The following FBXL2 variants were observed in gnomAD, a reference collection of about 807,000 sequenced individuals.
The protein encoded by FBXL2 is F-box and leucine rich repeat protein 2.
FBXL2 carries 38 observed loss-of-function variants against 69.2 expected under a neutral mutation model. The ratio of observed to expected loss-of-function variants is 0.55; its 90% confidence interval spans 0.42 to 0.72. The LOEUF (loss-of-function observed/expected upper bound fraction) is 0.72, where lower values mean the gene tolerates loss of function less well. Ranked by LOEUF, FBXL2 falls within the 30% of genes least tolerant of loss-of-function variation. The pLI is 0.00. For synonymous variants in FBXL2, 192 were observed against 201.3 expected (o/e 0.95, Z 0.39); for missense variants, 354 against 520.3 (o/e 0.68, Z 3.11).
rs1376211851 is a variant in FBXL2 at position 33,385,676 on chromosome 3, C to T, written c.*68C>T. 52 of 1,229,252 alleles carry T rather than the reference C, an allele frequency of 4.2e-5. No individual in the cohort carries two copies. Among genetic ancestry groups the T allele is most frequent in the East Asian group, 7.0e-5 (3 of 43,058 alleles). The allele number at this position is 1,229,252 out of a possible 1,614,324, so 76.1% of individuals were successfully genotyped here. A position where few individuals can be genotyped will look rare whatever the true frequency, so the allele number is the denominator to read the frequency against. Reference sequence around the variant, plus strand: ...TCTAGAAGACCTGAGTCTTCCTGACCGACTCCACCATCACCCAATCTGTTG... The same window carrying T: ...TCTAGAAGACCTGAGTCTTCCTGACTGACTCCACCATCACCCAATCTGTTG... On this transcript the variant is annotated 3_prime_UTR_variant, in exon 15 of 15. Transcript: ENST00000484457.
At chr3:33,408,500 A>G (rs540527129), downstream of FBXL2, among the ~76,000 whole-genome samples, 3 of 152,246 alleles carry the variant, frequency 2.0e-5, no homozygotes, top group Non-Finnish European at 2.9e-5. Flanking sequence ...GCTTTGTTTT[A>G]AAGTGTTAGA....
chr3:33,365,723 A>G (rs1442371342), intron 5 of FBXL2, among the ~76,000 whole-genome samples: 1 of 116,134 alleles, frequency 8.6e-6, no homozygotes, highest in African/African-American at 3.2e-5. Flanking sequence ...CTCTTCGACC[A>G]AACAAACAAA....
At chr3:33,380,555 T>TAA (rs57394351) in intron 13 of FBXL2, among the ~76,000 whole-genome samples, 63 of 97,294 alleles carry the variant, frequency 6.5e-4, no homozygotes, top group African/African-American at 1.9e-3. Flanking sequence ...CAAAACTCCA[T>TAA]AAAAAAAAAA....
chr3:33,300,689 C>T (rs1298076830), intron 2 of FBXL2: 1 of 152,030 alleles, frequency 6.6e-6, no homozygotes, highest in Non-Finnish European at 1.5e-5. Flanking sequence ...GTAGCTTTCC[C>T]CCTTTTCCTA....
At chr3:33,334,743 C>G (rs576134419) in intron 2 of FBXL2, among the ~76,000 whole-genome samples, 1 of 151,796 alleles carries the variant, frequency 6.6e-6, no homozygotes, top group African/African-American at 2.4e-5. Flanking sequence ...TAGAAACCAA[C>G]GATAAAGAGA....
At chr3:33,345,014 A>C (rs1378580477) in intron 2 of FBXL2, among the ~76,000 whole-genome samples, 1 of 152,252 alleles carries the variant, frequency 6.6e-6, no homozygotes, top group Non-Finnish European at 1.5e-5. Context: ...TCAGATGTTA[A>C]GATAGAAACA....
intron 2 of FBXL2, among the ~76,000 whole-genome samples, chr3:33,328,202 G>A (rs2038858063): frequency 6.6e-6 from 1 of 151,868 alleles, no homozygotes; most frequent in South Asian, 2.1e-4. Context: ...AAATTGAAGT[G>A]GACACCAAAA....
Position 33,319,576 on chromosome 3 carries a change from TG to T in FBXL2, c.65+21855del, listed in dbSNP as rs2038019056. Among the ~76,000 whole-genome samples the T allele has an allele frequency of 3.9e-5, 6 of 152,314 alleles. No homozygotes were observed. In the South Asian group the frequency reaches 1.2e-3, roughly 32 times the overall value. On this transcript the variant is annotated intron_variant, in intron 2 of 14. Coordinates refer to ENST00000484457, the MANE Select transcript of FBXL2 (RefSeq NM_012157.5). ...CAATCATGAAAACTGTATCATTGCC[TG>T]GGGAAATAGAATGTGTTTGTTGGAA...
intron 2 of FBXL2, chr3:33,303,115 G>C (rs747784802): frequency 6.6e-6 from 3 of 456,572 alleles, no homozygotes; most frequent in Non-Finnish European, 1.3e-5. Context: ...TCTATTTCCT[G>C]CTGTCTGTGG....
At chr3:33,392,272 T>TATTCA (rs1366012576), downstream of FBXL2, 7 of 299,130 alleles carry the variant, frequency 2.3e-5, no homozygotes, top group Non-Finnish European at 4.3e-5. Context: ...GATTCTGTTT[T>TATTCA]ATTCAATAGA....
the FBXL2 span, chr3:33,414,034 ATACAGGTAT>A: frequency 6.6e-6 from 1 of 152,250 alleles, no homozygotes; most frequent in African/African-American, 2.4e-5. Flanking sequence ...CAGTATTAGA[ATACAGGTAT>A]TAGACTTCAG....
At chr3:33,356,582 T>A (rs1168337290) in intron 2 of FBXL2, among the ~76,000 whole-genome samples, 3 of 152,114 alleles carry the variant, frequency 2.0e-5, no homozygotes, top group Admixed American at 6.5e-5. Context: ...TCTCTTGACC[T>A]TGTGGTCCAC....
At chr3:33,392,855 A>G (rs2043823979), downstream of FBXL2, 1 of 422,586 alleles carries the variant, frequency 2.4e-6, no homozygotes, top group Non-Finnish European at 4.2e-6. Context: ...CCACAGGGGC[A>G]CATTCCCTGC....
intron 1 of FBXL2, among the ~76,000 whole-genome samples, chr3:33,280,981 A>G (rs2033934351): frequency 6.6e-6 from 1 of 152,112 alleles, no homozygotes; most frequent in Non-Finnish European, 1.5e-5. Flanking sequence ...AGGTATTGGG[A>G]AGCAGAAGAT....
chr3:33,292,039 G>A (rs182389611), intron 1 of FBXL2, among the ~76,000 whole-genome samples: 2 of 152,174 alleles, frequency 1.3e-5, no homozygotes, highest in Admixed American at 1.3e-4. Context: ...TTTAAAACAA[G>A]GATCATTTCT....
intron 2 of FBXL2, among the ~76,000 whole-genome samples, chr3:33,299,672 G>T (rs1383780045): frequency 2.0e-5 from 3 of 152,052 alleles, no homozygotes; most frequent in Non-Finnish European, 4.4e-5. Context: ...TTAGTCATCA[G>T]GTGTTGTTTG....
intron 12 of FBXL2, among the ~76,000 whole-genome samples, chr3:33,394,198 T>G (rs1010103400): frequency 5.6e-5 from 7 of 125,282 alleles, no homozygotes; most frequent in Admixed American, 4.4e-4. Flanking sequence ...ATTTTTATTA[T>G]TATTATTATT....
chr3:33,394,019 TTTTG>T (rs1479981158), intron 12 of FBXL2, among the ~76,000 whole-genome samples: 56 of 149,996 alleles, frequency 3.7e-4, no homozygotes, highest in African/African-American at 1.1e-3. Flanking sequence ...TCATAGTTCT[TTTTG>T]TTTATTTTTT....
the FBXL2 span, among the ~76,000 whole-genome samples, chr3:33,418,275 AG>A: frequency 8.3e-4 from 127 of 152,218 alleles, no homozygotes; most frequent in African/African-American, 2.9e-3. Context: ...TTATTTTGAC[AG>A]GGAGCTTCGT....
Sources: gnomAD v4.1 joint callset for allele counts (sites outside exome capture counted in the v4.1 genomes callset) on GRCh38, gnomAD v4.1.1 for gene constraint, MANE v1.5 for transcripts, NCBI Gene and HGNC (gene_info 2026-07-23, HGNC 2026-07-21) for gene names.